CADPS: variants seen among roughly 807,000 people sequenced by gnomAD.
CADPS encodes the protein calcium-dependent secretion activator 1.
Under a neutral mutation model 167.3 loss-of-function variants are expected in CADPS, and 57 were observed. That is an observed-to-expected ratio of 0.34 (90% confidence interval 0.28 to 0.42). The LOEUF (loss-of-function observed/expected upper bound fraction) is 0.42. Among genes scored for constraint, CADPS ranks in the 20% least tolerant of loss-of-function variants. The pLI, the probability that CADPS is intolerant of heterozygous loss-of-function variation, is 1.00. For synonymous variants in CADPS, 676 were observed against 635.3 expected, an observed-to-expected ratio of 1.06 and a Z score of -0.96; for missense variants, 1,414 against 1,738.1, an observed-to-expected ratio of 0.81 and a Z score of 3.32.
In CADPS at chr3:62,522,229, C is replaced by G. The variant is rs9871924; in HGVS notation, c.2292-3979G>C. 4.5e-3 allele frequency among the ~76,000 whole-genome samples: 691 copies of G among 152,216 alleles called. 4 individuals carry two copies. Among genetic ancestry groups the G allele is most frequent in the African/African-American group, 0.016 (666 of 41,538 alleles). ...TCTGTTCACTGCAGCATTGACATCT[C>G]AAGCTCAAGCGATCCTCCTACTGCA... On this transcript the variant is annotated intron_variant, in intron 13 of 29. Coordinates refer to ENST00000383710, the MANE Select transcript of CADPS (RefSeq NM_003716.4).
chr3:62,485,586 G>T (rs919743774), intron 21 of CADPS, among the ~76,000 whole-genome samples: 2 of 147,724 alleles, frequency 1.4e-5, no homozygotes, highest in Non-Finnish European at 3.0e-5. Context: ...TTTTTCTTGT[G>T]TGTATGTTGC....
chr3:62,651,911 G>C (rs933391482), intron 4 of CADPS, among the ~76,000 whole-genome samples: 1 of 150,716 alleles, frequency 6.6e-6, no homozygotes, highest in East Asian at 1.9e-4. Flanking sequence ...ATTTTTTTTT[G>C]CAAGTGACAG....
At chr3:62,777,747 T>G (rs150728059) in intron 1 of CADPS, among the ~76,000 whole-genome samples, 1 of 152,258 alleles carries the variant, frequency 6.6e-6, no homozygotes, top group East Asian at 1.9e-4. Flanking sequence ...GACACACACA[T>G]GTGCACATGG....
chr3:62,558,263 C>A lies in CADPS; in HGVS notation c.1645-750G>T, dbSNP rs1304721471. ...GTTGTCACTTGTGCCCTAATGGCAG[C>A]CCTCACTCTACCAACACAAACCATG... On this transcript the variant is annotated intron_variant, in intron 9 of 29. Coordinates refer to ENST00000383710, the MANE Select transcript of CADPS (RefSeq NM_003716.4). Among the ~76,000 whole-genome samples, 9 of 152,322 alleles carry A rather than the reference C, an allele frequency of 5.9e-5. No homozygotes were observed. In the South Asian group the frequency reaches 1.9e-3, roughly 32 times the overall value.
chr3:62,688,870 C>A (rs1408446706), intron 3 of CADPS, among the ~76,000 whole-genome samples: 1 of 151,940 alleles, frequency 6.6e-6, no homozygotes, highest in Non-Finnish European at 1.5e-5. Flanking sequence ...GACTGTAACC[C>A]ACTTTCCACA....
intron 17 of CADPS, among the ~76,000 whole-genome samples, chr3:62,511,055 G>A (rs143315290): frequency 8.8e-4 from 134 of 152,026 alleles, no homozygotes; most frequent in African/African-American, 3.2e-3. Flanking sequence ...AGTGTAAACC[G>A]CCAACCCATC....
chr3:62,611,818 G>A (rs114075834), intron 6 of CADPS, among the ~76,000 whole-genome samples: 6 of 152,272 alleles, frequency 3.9e-5, no homozygotes, highest in African/African-American at 1.2e-4. Context: ...ATTACTTTAC[G>A]CAGGATGATC....
intron 1 of CADPS, chr3:62,779,627 G>A: frequency 1.9e-6 from 1 of 533,520 alleles, no homozygotes; most frequent in Non-Finnish European, 3.8e-6. Context: ...TGAGCTGCAT[G>A]CATTTTAAAG....
In CADPS at chr3:62,415,111, T is replaced by C. The variant is rs913393422; in HGVS notation, c.3778-11926A>G. On this transcript the variant is annotated intron_variant, in intron 28 of 29. Coordinates refer to ENST00000383710, the MANE Select transcript of CADPS (RefSeq NM_003716.4). Reference sequence around the variant, plus strand: ...GCCCACCCTCCCCGCCCCATACTTCTTTCCCTCTTTCTCTACACGCACACG... The same window carrying C: ...GCCCACCCTCCCCGCCCCATACTTCCTTCCCTCTTTCTCTACACGCACACG... 2.1e-5 allele frequency among the ~76,000 whole-genome samples: 3 copies of C among 145,318 alleles called. No homozygotes were observed. The East Asian group carries it at 6.8e-4, about 33-fold the overall frequency.
intron 27 of CADPS, chr3:62,440,951 G>A (rs1454831878): frequency 6.6e-6 from 1 of 152,168 alleles, no homozygotes; most frequent in Non-Finnish European, 1.5e-5. Context: ...TGGTCACAAT[G>A]GTGATCCTGA....
intron 9 of CADPS, among the ~76,000 whole-genome samples, chr3:62,570,544 C>A (rs1426899000): frequency 6.6e-6 from 1 of 152,206 alleles, no homozygotes; most frequent in East Asian, 1.9e-4. Context: ...CCATCCCTGG[C>A]AGGAGACTGG....
At chr3:62,729,200 C>T (rs5017289) in intron 3 of CADPS, among the ~76,000 whole-genome samples, 49,358 of 151,546 alleles carry the variant, frequency 0.33, 9,122 homozygotes, top group African/African-American at 0.48. Context: ...CAAATTGATG[C>T]GGAGCCATTG....
At chr3:62,831,894 G>T (rs1207444204) in intron 1 of CADPS, among the ~76,000 whole-genome samples, 1 of 152,172 alleles carries the variant, frequency 6.6e-6, no homozygotes, top group Non-Finnish European at 1.5e-5. Context: ...ATTTGGAACA[G>T]GTGAGAAAAC....
chr3:62,657,919 A>T (rs1050339482), intron 4 of CADPS, among the ~76,000 whole-genome samples: 11 of 152,292 alleles, frequency 7.2e-5, no homozygotes, highest in African/African-American at 2.6e-4. Context: ...TTCTAAAAAA[A>T]TCAAAATAGA....
At chr3:62,639,327 C>A (rs186669117) in intron 6 of CADPS, among the ~76,000 whole-genome samples, 1 of 152,282 alleles carries the variant, frequency 6.6e-6, no homozygotes, top group Non-Finnish European at 1.5e-5. Context: ...GTTCTCGCTA[C>A]ATAATGTCTC....
At chr3:62,523,646 G>A (rs1240261375) in intron 13 of CADPS, among the ~76,000 whole-genome samples, 1 of 152,108 alleles carries the variant, frequency 6.6e-6, no homozygotes, top group East Asian at 1.9e-4. Context: ...GCATCTATTT[G>A]GTGATTAAGG....
At chr3:62,824,812 G>A (rs1238791450) in intron 1 of CADPS, among the ~76,000 whole-genome samples, 6 of 152,120 alleles carry the variant, frequency 3.9e-5, no homozygotes, top group African/African-American at 1.4e-4. Flanking sequence ...TCTAATGAGA[G>A]GTTCTTTGCA....
chr3:62,722,860 G>A (rs2076076959), intron 3 of CADPS, among the ~76,000 whole-genome samples: 1 of 152,146 alleles, frequency 6.6e-6, no homozygotes, highest in African/African-American at 2.4e-5. Context: ...CCTGTGCTCT[G>A]TGAGACATTT....
intron 1 of CADPS, among the ~76,000 whole-genome samples, chr3:62,858,174 T>G (rs1172554216): frequency 6.6e-6 from 1 of 152,142 alleles, no homozygotes; most frequent in Non-Finnish European, 1.5e-5. Context: ...AGATGAAAGG[T>G]GGGCTCCAGA....
Sources: allele counts gnomAD v4.1 joint callset (sites outside exome capture counted in the v4.1 genomes callset), GRCh38; gene constraint gnomAD v4.1.1; transcripts MANE v1.5; gene names NCBI Gene and HGNC (gene_info 2026-07-23, HGNC 2026-07-21).